Variants in VAPB observed in about 807,000 individuals in gnomAD.
VAPB encodes VAMP associated protein B and C, also known as vesicle-associated membrane protein-associated protein B/C.
Under a neutral mutation model 25.6 loss-of-function variants are expected in VAPB, and 7 were observed. The ratio of observed to expected loss-of-function variants is 0.27; its 90% CI spans 0.16 to 0.51. VAPB has a LOEUF of 0.51. Among genes scored for constraint, VAPB ranks in the 20% least tolerant of loss-of-function variants. The pLI is 0.97. For synonymous variants in VAPB, 112 were observed against 109.2 expected (o/e 1.03, Z -0.16); for missense variants, 266 against 301.3 (o/e 0.88, Z 0.87).
chr20:58,395,879 A>G (rs1178537484), intron 1 of VAPB, among the ~76,000 whole-genome samples: 1 of 152,364 alleles, frequency 6.6e-6, no homozygotes, highest in East Asian at 1.9e-4. Context: ...AAACAAAGTT[A>G]CTAAACTTGA....
Position 58,418,209 on chromosome 20 carries a change from A to G in VAPB, c.59-2A>G. On this transcript the variant is annotated splice_acceptor_variant, in intron 1 of 5. Transcript: ENST00000475243. LOFTEE classifies it high-confidence loss of function. ...CCAATCAGTCTCTGTCTCATTCTAC[A>G]GGTCCCTTCACCGATGTTGTCACCA... 6.2e-7 allele frequency: 1 copy of G among 1,614,142 alleles called. No individual in the cohort carries two copies. The highest frequency in any genetic ancestry group is 8.5e-7 in the Non-Finnish European group (1 of 1,180,016).
intron 1 of VAPB, among the ~76,000 whole-genome samples, chr20:58,410,982 A>G (rs1282337793): frequency 6.6e-6 from 1 of 152,250 alleles, no homozygotes; most frequent in Non-Finnish European, 1.5e-5. Context: ...TAAAGCTGCT[A>G]TAAACATCCA....
At chr20:58,405,686 C>G (rs551671532) in intron 1 of VAPB, among the ~76,000 whole-genome samples, 20 of 146,192 alleles carry the variant, frequency 1.4e-4, no homozygotes, top group Non-Finnish European at 2.7e-4. Flanking sequence ...CTCCTGAGCT[C>G]AGGCCTCCCA....
intron 2 of VAPB, among the ~76,000 whole-genome samples, chr20:58,432,110 G>A (rs1381027419): frequency 6.6e-6 from 1 of 152,136 alleles, no homozygotes; most frequent in African/African-American, 2.4e-5. Flanking sequence ...CCCAGGCAGA[G>A]CTCTGGACAC....
At chr20:58,424,067 G>T (rs946246534) in intron 2 of VAPB, among the ~76,000 whole-genome samples, 1 of 152,108 alleles carries the variant, frequency 6.6e-6, no homozygotes, top group African/African-American at 2.4e-5. Flanking sequence ...AGATCAAGAG[G>T]ACTTACACAT....
At chr20:58,435,286 GA>G (rs974361887) in intron 3 of VAPB, among the ~76,000 whole-genome samples, 198 of 141,422 alleles carry the variant, frequency 1.4e-3, no homozygotes, top group Middle Eastern at 3.6e-3. Flanking sequence ...GATGGTTTTG[GA>G]AAAAAAAAAA....
At chr20:58,419,365 A>ACCCAT (rs919511323) in intron 2 of VAPB, among the ~76,000 whole-genome samples, 5 of 152,130 alleles carry the variant, frequency 3.3e-5, no homozygotes, top group African/African-American at 4.8e-5. Flanking sequence ...ATTATGGTGC[A>ACCCAT]CCCATGCCAG....
At chr20:58,404,018 T>C (rs1029549492) in intron 1 of VAPB, among the ~76,000 whole-genome samples, 6 of 152,200 alleles carry the variant, frequency 3.9e-5, no homozygotes, top group Non-Finnish European at 8.8e-5. Context: ...TATTCTATCG[T>C]ATCCTAAGTA....
intron 1 of VAPB, among the ~76,000 whole-genome samples, chr20:58,398,495 T>G (rs1988016465): frequency 6.6e-6 from 1 of 152,186 alleles, no homozygotes; most frequent in South Asian, 2.1e-4. Flanking sequence ...AGGCACTAGG[T>G]TGCACTGGGG....
At chr20:58,406,194 C>G (rs1988226782) in intron 1 of VAPB, among the ~76,000 whole-genome samples, 1 of 152,096 alleles carries the variant, frequency 6.6e-6, no homozygotes, top group African/African-American at 2.4e-5. Flanking sequence ...GAGGGCCAGG[C>G]TGCAGATATA....
At chr20:58,393,270 G>A (rs572759384) in intron 1 of VAPB, among the ~76,000 whole-genome samples, 34 of 152,240 alleles carry the variant, frequency 2.2e-4, no homozygotes, top group African/African-American at 7.9e-4. Context: ...GCCTCAAGCA[G>A]TCCTCCCGCC....
chr20:58,417,343 G>A (rs949980724), intron 1 of VAPB, among the ~76,000 whole-genome samples: 1 of 152,194 alleles, frequency 6.6e-6, no homozygotes, highest in African/African-American at 2.4e-5. Context: ...TGTAAACATA[G>A]ATGATGTGGA....
At chr20:58,427,110 A>C (rs1414002712) in intron 2 of VAPB, among the ~76,000 whole-genome samples, 4 of 148,858 alleles carry the variant, frequency 2.7e-5, no homozygotes, top group Non-Finnish European at 5.9e-5. Context: ...GGCGAAAGTG[A>C]TCTGTGATCT....
At position 58,389,424 on chromosome 20, in the gene VAPB, G is replaced by A. The variant is rs919895378; in HGVS notation, c.-36G>A. 10 of 1,574,110 alleles carry A rather than the reference G, an allele frequency of 6.4e-6. No homozygotes were observed. Among genetic ancestry groups the A allele is most frequent in the Non-Finnish European group, 7.8e-6 (9 of 1,160,138 alleles). The stretch of plus-strand genomic sequence containing the variant: ...CTTCCCGCCCCGGTGACCTCTCAGG[G>A]GTCTCCCCGCCAAAGGTGCTCCGCC... On this transcript the variant is annotated 5_prime_UTR_variant, in exon 1 of 6. Coordinates refer to ENST00000475243, the MANE Select transcript of VAPB (RefSeq NM_004738.5).
intron 1 of VAPB, among the ~76,000 whole-genome samples, chr20:58,408,255 C>T (rs1297183255): frequency 1.3e-5 from 2 of 152,102 alleles, no homozygotes; most frequent in Admixed American, 6.5e-5. Context: ...GGCTGGCTCC[C>T]GAGGATACCA....
chr20:58,398,117 A>G (rs1186664741), intron 1 of VAPB, among the ~76,000 whole-genome samples: 1 of 152,236 alleles, frequency 6.6e-6, no homozygotes. Flanking sequence ...TCTACCTTAA[A>G]CATACTCAGA....
chr20:58,448,177 C>A lies in VAPB; in HGVS notation c.*3942C>A, dbSNP rs886056823. ...GAATGGAATTGTATTTAGAAAGGCC[C>A]CTGCAAAGTATATAGATGGATGACT... On this transcript the variant is annotated 3_prime_UTR_variant, in exon 6 of 6. Coordinates refer to ENST00000475243, the MANE Select transcript of VAPB (RefSeq NM_004738.5). 1.1e-5 allele frequency: 5 copies of A among 453,858 alleles called. No individual in the cohort carries two copies. Among genetic ancestry groups the A allele is most frequent in the South Asian group, 6.2e-5 (4 of 64,454 alleles). 28.1% of individuals were successfully genotyped at this position (453,858 alleles called of 1,614,324 possible).
intron 1 of VAPB, among the ~76,000 whole-genome samples, chr20:58,405,649 T>A (rs6026241): frequency 0.34 from 51,408 of 150,316 alleles, 9,061 homozygotes; most frequent in African/African-American, 0.35. Context: ...TTCACCATGT[T>A]GCCCAGGCTG....
chr20:58,410,220 T>C (rs1006543880), intron 1 of VAPB, among the ~76,000 whole-genome samples: 12 of 152,138 alleles, frequency 7.9e-5, no homozygotes, highest in Non-Finnish European at 1.6e-4. Context: ...TACATTGACA[T>C]GTCATTGTTA....
Sources: allele counts gnomAD v4.1 joint callset (sites outside exome capture counted in the v4.1 genomes callset), GRCh38; gene constraint gnomAD v4.1.1; transcripts MANE v1.5; gene names NCBI Gene and HGNC (gene_info 2026-07-23, HGNC 2026-07-21).